Variants in TGS1 observed in about 807,000 individuals in gnomAD.
TGS1 encodes the protein trimethylguanosine synthase 1.
In TGS1, 69 loss-of-function variants were observed where a neutral mutation model predicts 92.2. That is an observed-to-expected ratio of 0.75 (90% CI 0.62 to 0.91). The LOEUF (loss-of-function observed/expected upper bound fraction) is 0.91, where lower values mean the gene tolerates loss of function less well. Ranked by LOEUF, TGS1 falls within the 40% of genes least tolerant of loss-of-function variation. The probability of loss-of-function intolerance (pLI) is 0.00; values close to 1 mark genes in which losing one functional copy is unlikely to be tolerated. For missense variants in TGS1, 1,062 were observed against 1,001.2 expected (o/e 1.06, Z -0.82); for synonymous variants, 345 against 338.1 (o/e 1.02, Z -0.22).
chr8:55,773,689 T>C lies in TGS1; in HGVS notation c.71T>C (p.Ile24Thr), dbSNP rs1051793483. ...LFIEEREDCK[I>T]LCLCSRAFVE... ...ATTGAGGAGCGGGAGGATTGTAAGA[T>C]ACTGTGCCTTTGCTCCAGGGCATTT... The change falls in exon 1 of 13, where the codon ATA becomes ACA. Residue 24 changes from isoleucine (I) to threonine (T), a missense_variant. Ile to Thr is a moderately conservative substitution (Grantham distance 89). Coordinates refer to ENST00000260129, the MANE Select transcript of TGS1 (RefSeq NM_024831.8). The C allele has an allele frequency of 9.3e-6, 15 of 1,611,316 alleles. No homozygotes were observed. Among genetic ancestry groups the C allele is most frequent in the Non-Finnish European group, 1.0e-5 (12 of 1,179,012 alleles).
At chr8:55,796,616 A>T (rs1000250286) in intron 7 of TGS1, among the ~76,000 whole-genome samples, 2 of 149,616 alleles carry the variant, frequency 1.3e-5, no homozygotes, top group African/African-American at 5.0e-5. Flanking sequence ...TGAACCCGGG[A>T]GGCGAAGGTT....
chr8:55,793,508 C>T (rs927181262), intron 6 of TGS1, among the ~76,000 whole-genome samples: 2 of 152,116 alleles, frequency 1.3e-5, no homozygotes, highest in African/African-American at 2.4e-5. Context: ...GTTTGGCATA[C>T]GTCCCTCCAA....
chr8:55,806,199 T>C (rs754018805), intron 10 of TGS1, among the ~76,000 whole-genome samples: 22 of 150,596 alleles, frequency 1.5e-4, no homozygotes, highest in Non-Finnish European at 3.0e-4. Flanking sequence ...CTCCTAAAAA[T>C]ACAAAAATTA....
At position 55,782,826 on chromosome 8, in the gene TGS1, A is replaced by T; in HGVS notation, c.166+14A>T. 6.4e-7 allele frequency: 1 copy of T among 1,552,046 alleles called. No individual in the cohort carries two copies. On this transcript the variant is annotated intron_variant, in intron 2 of 12. Coordinates refer to ENST00000260129, the MANE Select transcript of TGS1 (RefSeq NM_024831.8). ...GCAACAATTCAGGTAATATAGTATA[A>T]AATTCTATAAACCTTTTTTGCTGAA...
At chr8:55,793,861 G>A (rs984281237) in intron 6 of TGS1, among the ~76,000 whole-genome samples, 8 of 150,836 alleles carry the variant, frequency 5.3e-5, no homozygotes, top group Non-Finnish European at 7.4e-5. Context: ...CAGGTGATCC[G>A]CCCACCTTGG....
At chr8:55,810,141 C>T (rs910708282) in intron 10 of TGS1, among the ~76,000 whole-genome samples, 11 of 152,176 alleles carry the variant, frequency 7.2e-5, no homozygotes, top group East Asian at 1.9e-4. Flanking sequence ...ACGCCGTAAG[C>T]GTAACGGTTA....
rs1335488697 is a variant in TGS1, at chr8:55,786,636, G to A, written c.738G>A (p.Trp246Ter). 3 of 1,614,132 alleles carry A rather than the reference G, an allele frequency of 1.9e-6. No homozygotes were observed. Among genetic ancestry groups the A allele is most frequent in the South Asian group, 2.2e-5 (2 of 91,084 alleles). Residue 246 changes from tryptophan to a stop codon, truncating the protein, a stop_gained, in exon 4 of 13, where the codon TGG (tryptophan) becomes TGA (stop). Coordinates refer to ENST00000260129, the MANE Select transcript of TGS1 (RefSeq NM_024831.8). LOFTEE classifies it high-confidence loss of function. ...AGCAACATTATAGTCAACTTTATTG[G>A]TATTATTTGGAACAATTTCAGTATT... The part of the protein sequence containing the change: ...EWEQHYSQLY[W>*]YYLEQFQYWE...
chr8:55,817,908 G>T (rs1803528999), intron 12 of TGS1, among the ~76,000 whole-genome samples: 1 of 152,172 alleles, frequency 6.6e-6, no homozygotes, highest in South Asian at 2.1e-4. Context: ...CAGCATAGGA[G>T]CTGGCACACA....
intron 8 of TGS1, among the ~76,000 whole-genome samples, chr8:55,800,991 G>T (rs1205201355): frequency 1.3e-5 from 2 of 152,120 alleles, no homozygotes; most frequent in African/African-American, 4.8e-5. Flanking sequence ...AATTATTTAA[G>T]GAAAAAATCA....
At chr8:55,820,909 A>G (rs1803618713) in intron 12 of TGS1, among the ~76,000 whole-genome samples, 2 of 152,314 alleles carry the variant, frequency 1.3e-5, no homozygotes, top group Admixed American at 1.3e-4. Flanking sequence ...GAGGGAACCA[A>G]ATAATATTTT....
Position 55,786,673 on chromosome 8 carries a change from G to A in TGS1, c.775G>A (p.Gly259Ser), listed in dbSNP as rs143461521. The A allele has an allele frequency of 6.1e-5, 99 of 1,613,962 alleles. No individual in the cohort carries two copies. The highest frequency in any genetic ancestry group is 8.0e-5 in the Non-Finnish European group (94 of 1,180,026). The change falls in exon 4 of 13, where the codon GGT becomes AGT. Residue 259 changes from glycine (G) to serine (S), a missense_variant. Coordinates refer to ENST00000260129, the MANE Select transcript of TGS1 (RefSeq NM_024831.8). The part of the protein sequence containing the change: ...LEQFQYWEAQ[G>S]WTFDASQSCD... ...ACAATTTCAGTATTGGGAAGCTCAG[G>A]GTTGGACTTTTGATGCCTCGCAAAG...
At chr8:55,820,596 G>A (rs150477337) in intron 12 of TGS1, among the ~76,000 whole-genome samples, 31 of 152,228 alleles carry the variant, frequency 2.0e-4, no homozygotes, top group African/African-American at 6.3e-4. Flanking sequence ...TTTATTTGAT[G>A]CTTAAATCTT....
At chr8:55,780,135 G>T (rs564923746) in intron 1 of TGS1, among the ~76,000 whole-genome samples, 4 of 149,116 alleles carry the variant, frequency 2.7e-5, no homozygotes, top group African/African-American at 9.9e-5. Context: ...AGGATTATAG[G>T]CATGAGCCAC....
intron 9 of TGS1, 124 bp from the exon 10 acceptor site, chr8:55,804,769 A>G (rs1221174204): frequency 1.4e-5 from 12 of 831,312 alleles, no homozygotes; most frequent in African/African-American, 5.3e-5. Flanking sequence ...GGTGATTTAT[A>G]ATTTTTTAAA....
intron 2 of TGS1, among the ~76,000 whole-genome samples, chr8:55,784,270 AACTT>A (rs1299151268): frequency 6.6e-6 from 1 of 152,202 alleles, no homozygotes; most frequent in East Asian, 1.9e-4. Flanking sequence ...TGTAAAGTAA[AACTT>A]ACTTTGTTGT....
At chr8:55,776,735 T>G (rs926485566) in intron 1 of TGS1, among the ~76,000 whole-genome samples, 4 of 152,196 alleles carry the variant, frequency 2.6e-5, no homozygotes, top group Admixed American at 6.5e-5. Flanking sequence ...TAAGACAATA[T>G]GAGGGGTGGT....
intron 8 of TGS1, among the ~76,000 whole-genome samples, chr8:55,801,958 G>A (rs918829424): frequency 3.9e-5 from 6 of 152,098 alleles, no homozygotes; most frequent in African/African-American, 1.4e-4. Context: ...ACTTTGGGAG[G>A]CCAAGGCGGG....
In TGS1 at chr8:55,824,707, T is replaced by C. The variant is rs1803744506; in HGVS notation, c.*4T>C. On this transcript the variant is annotated 3_prime_UTR_variant, in exon 13 of 13. Coordinates refer to ENST00000260129, the MANE Select transcript of TGS1 (RefSeq NM_024831.8). ...AAGACCAGCCTCTGAAACCTAACTATGCAGCAGTGCGAGGACAAAAGATCA... is the reference window on the plus strand; with the variant it reads ...AAGACCAGCCTCTGAAACCTAACTACGCAGCAGTGCGAGGACAAAAGATCA... 6.2e-7 allele frequency: 1 copy of C among 1,614,160 alleles called. No individual in the cohort carries two copies. The highest frequency in any genetic ancestry group is 8.5e-7 in the Non-Finnish European group (1 of 1,180,000).
chr8:55,783,907 G>A (rs1811639529), intron 2 of TGS1, among the ~76,000 whole-genome samples: 1 of 152,152 alleles, frequency 6.6e-6, no homozygotes, highest in Admixed American at 6.6e-5. Context: ...TACAATGAAA[G>A]GAACATAAAA....
Sources: gnomAD v4.1 joint callset for allele counts (sites outside exome capture counted in the v4.1 genomes callset) on GRCh38, gnomAD v4.1.1 for gene constraint, MANE v1.5 for transcripts, NCBI Gene and HGNC (gene_info 2026-07-23, HGNC 2026-07-21) for gene names.